GTF2IRD2B: variants seen among roughly 807,000 people sequenced by gnomAD.
GTF2IRD2B encodes GTF2I repeat domain containing 2B.
A neutral mutation model predicts 55.6 loss-of-function variants in GTF2IRD2B; 10 were observed. That is an observed-to-expected ratio of 0.18 (90% confidence interval 0.11 to 0.31). The LOEUF is 0.31. Among genes scored for constraint, GTF2IRD2B ranks in the 10% least tolerant of loss-of-function variants. GTF2IRD2B has a pLI of 1.00. For missense variants in GTF2IRD2B, 206 were observed against 802.7 expected (o/e 0.26, Z 8.98); for synonymous variants, 107 against 320.5 (o/e 0.33, Z 7.12).
intron 3 of GTF2IRD2B, 49 bp downstream of exon 3, chr7:75,112,584 C>T (rs1808009722): frequency 1.2e-6 from 1 of 856,730 alleles, no homozygotes; most frequent in African/African-American, 2.0e-5. Flanking sequence ...AAAAGGATCG[C>T]AGGCAAGACT....
intron 12 of GTF2IRD2B, among the ~76,000 whole-genome samples, chr7:75,140,550 T>TTTG (rs1808982185): frequency 7.7e-5 from 3 of 38,976 alleles, no homozygotes; most frequent in Non-Finnish European, 1.6e-4. Context: ...TTTTTTTTTT[T>TTTG]GAGACGGAGT....
chr7:75,134,114 G>A (rs868932978), intron 9 of GTF2IRD2B, among the ~76,000 whole-genome samples: 3,058 of 134,896 alleles, frequency 0.023, 111 homozygotes, highest in African/African-American at 0.097. Context: ...CTGGCCAGGT[G>A]TAGTGTCTCA....
chr7:75,124,307 G>A (rs1554536008), intron 6 of GTF2IRD2B, among the ~76,000 whole-genome samples: 2 of 152,310 alleles, frequency 1.3e-5, no homozygotes, highest in South Asian at 4.1e-4. Flanking sequence ...TGTAGAGTTT[G>A]CAGTGAGCCA....
chr7:75,101,815 G>A (rs377321190), intron 1 of GTF2IRD2B, among the ~76,000 whole-genome samples: 15 of 131,356 alleles, frequency 1.1e-4, no homozygotes, highest in Admixed American at 4.4e-4. Flanking sequence ...AATCGCTTGA[G>A]CCCAGAAGGC....
chr7:75,105,311 C>G (rs1807751888), intron 1 of GTF2IRD2B, among the ~76,000 whole-genome samples: 1 of 152,308 alleles, frequency 6.6e-6, no homozygotes, highest in Non-Finnish European at 1.5e-5. Flanking sequence ...CGAGACCAGC[C>G]TGGCCAACAT....
At chr7:75,115,911 TTTCTTTC>T (rs1554451262) in intron 3 of GTF2IRD2B, among the ~76,000 whole-genome samples, 8 of 130,170 alleles carry the variant, frequency 6.1e-5, no homozygotes, top group Admixed American at 1.6e-4. Context: ...TTTAATTTCT[TTTCTTTC>T]TTTTTTTTTT....
chr7:75,105,834 A>T (rs1464322933), intron 1 of GTF2IRD2B, among the ~76,000 whole-genome samples: 1 of 152,310 alleles, frequency 6.6e-6, no homozygotes, highest in Non-Finnish European at 1.5e-5. Context: ...GGTTGCACTA[A>T]AAGTCTGTTA....
In GTF2IRD2B at chr7:75,126,905, A is replaced by G. The variant is rs2655939; in HGVS notation, c.670+520A>G. Among the ~76,000 whole-genome samples, 660 of 150,152 alleles carry G rather than the reference A, an allele frequency of 4.4e-3. 27 individuals carry two copies. The highest frequency in any genetic ancestry group is 0.038 in the Admixed American group (567 of 14,964). ...CCAGCTACTTGGGAGGCTGAGGCAT[A>G]AGAATTGCTTGAGCCCGGGAGGTGG... On this transcript the variant is annotated intron_variant, in intron 8 of 15. Transcript: ENST00000472837.
rs1259360370 is a variant in GTF2IRD2B at position 75,092,712 on chromosome 7, G to A, written c.-59G>A. The A allele has an allele frequency of 6.5e-6, 1 of 153,166 alleles. No individual in the cohort carries two copies. The highest frequency in any genetic ancestry group is 2.4e-5 in the African/African-American group (1 of 41,464). The allele number at this position is 153,166 out of a possible 1,614,324, so 9.5% of individuals were successfully genotyped here. ...CGCCCTCGGCCATCGGCTGCTCCCCGGTGGCCCAGGCCTCGGACTCCGCGG... is the reference window on the plus strand; with the variant it reads ...CGCCCTCGGCCATCGGCTGCTCCCCAGTGGCCCAGGCCTCGGACTCCGCGG... On this transcript the variant is annotated 5_prime_UTR_variant, in exon 1 of 16. Coordinates refer to ENST00000472837, the MANE Select transcript of GTF2IRD2B (RefSeq NM_001003795.3).
intron 3 of GTF2IRD2B, among the ~76,000 whole-genome samples, chr7:75,114,244 G>A (rs1177260229): frequency 6.6e-6 from 1 of 151,352 alleles, no homozygotes; most frequent in Non-Finnish European, 1.5e-5. Context: ...GTATGTAACT[G>A]ATACACAAGA....
At chr7:75,139,824 T>G (rs1264053094) in intron 12 of GTF2IRD2B, among the ~76,000 whole-genome samples, 1 of 102,238 alleles carries the variant, frequency 9.8e-6, no homozygotes, top group Admixed American at 9.7e-5. Flanking sequence ...TTGAGCCATG[T>G]GATTGCTTTA....
Sources: allele counts gnomAD v4.1 joint callset (sites outside exome capture counted in the v4.1 genomes callset), GRCh38; gene constraint gnomAD v4.1.1; transcripts MANE v1.5; gene names NCBI Gene and HGNC (gene_info 2026-07-23, HGNC 2026-07-21).